Variants in KCNK9 observed in about 807,000 individuals in gnomAD.
KCNK9 encodes the protein potassium channel subfamily K member 9.
Under a neutral mutation model 10.8 loss-of-function variants are expected in KCNK9, and 1 was observed. The observed-to-expected ratio is 0.09, with a 90% confidence interval of 0.03 to 0.44. The LOEUF is 0.44. Ranked by LOEUF, KCNK9 falls within the 20% of genes least tolerant of loss-of-function variation. KCNK9 has a pLI of 0.97. For synonymous variants in KCNK9, 231 were observed against 222.7 expected (o/e 1.04, Z -0.33); for missense variants, 303 against 515.0 (o/e 0.59, Z 3.98).
intron 1 of KCNK9, among the ~76,000 whole-genome samples, chr8:139,642,233 G>T (rs916399006): frequency 4.6e-5 from 7 of 152,126 alleles, no homozygotes; most frequent in African/African-American, 1.7e-4. Context: ...CCCACCAAGA[G>T]CAGCCTGTGC....
chr8:139,643,779 G>A (rs892798501), intron 1 of KCNK9, among the ~76,000 whole-genome samples: 2 of 152,204 alleles, frequency 1.3e-5, no homozygotes, highest in Non-Finnish European at 2.9e-5. Context: ...CAGGACCCCT[G>A]GCCAAAGCCT....
Position 139,700,440 on chromosome 8 carries a change from G to A in KCNK9, c.283+2270C>T, listed in dbSNP as rs1339608570. 2.0e-5 allele frequency among the ~76,000 whole-genome samples: 3 copies of A among 151,924 alleles called. No individual in the cohort carries two copies. The East Asian group carries it at 5.8e-4, about 29-fold the overall frequency. On this transcript the variant is annotated intron_variant, in intron 1 of 1. Coordinates refer to ENST00000520439, the MANE Select transcript of KCNK9 (RefSeq NM_001282534.2). ...CCAAGTTGAACATCTTTCCACAACA[G>A]GACAGCTGTGTTAGTGTTAGAGCTG...
chr8:139,678,272 C>T (rs1332929412), intron 1 of KCNK9, among the ~76,000 whole-genome samples: 3 of 152,342 alleles, frequency 2.0e-5, no homozygotes, highest in East Asian at 1.9e-4. Flanking sequence ...GTCGTGGAAG[C>T]GTCTTTCCTG....
intron 1 of KCNK9, among the ~76,000 whole-genome samples, chr8:139,662,704 CA>C (rs1816189348): frequency 6.6e-6 from 1 of 152,058 alleles, no homozygotes; most frequent in African/African-American, 2.4e-5. Context: ...CAGCCATTTT[CA>C]ACCCAACTCC....
At chr8:139,641,072 G>C (rs1815491288) in intron 1 of KCNK9, among the ~76,000 whole-genome samples, 1 of 152,232 alleles carries the variant, frequency 6.6e-6, no homozygotes, top group Admixed American at 6.5e-5. Context: ...GCAGCAAGAA[G>C]CGGTCTGGCA....
At chr8:139,609,898 G>T (rs1031253224), downstream of KCNK9, among the ~76,000 whole-genome samples, 1 of 152,172 alleles carries the variant, frequency 6.6e-6, no homozygotes, top group African/African-American at 2.4e-5. Flanking sequence ...GGCCTTGGTA[G>T]CTTGGCCAGA....
intron 1 of KCNK9, among the ~76,000 whole-genome samples, chr8:139,641,299 T>TG (rs1815498766): frequency 6.6e-6 from 1 of 152,166 alleles, no homozygotes; most frequent in Non-Finnish European, 1.5e-5. Flanking sequence ...ATGGGGCTGC[T>TG]GTCTGTGGGG....
downstream of KCNK9, among the ~76,000 whole-genome samples, chr8:139,615,385 T>A (rs1814554347): frequency 6.6e-6 from 1 of 152,162 alleles, no homozygotes; most frequent in Non-Finnish European, 1.5e-5. Flanking sequence ...CATCTCTGTT[T>A]AGTGCTGTTT....
exon 3 of KCNK9, chr8:139,601,556 A>G (rs531955159): frequency 1.3e-5 from 2 of 152,282 alleles, no homozygotes; most frequent in African/African-American, 4.8e-5. Context: ...TCACTTACAG[A>G]AGGAGAGAGC....
intron 1 of KCNK9, among the ~76,000 whole-genome samples, chr8:139,701,468 C>T (rs1817217628): frequency 6.6e-6 from 1 of 151,330 alleles, no homozygotes; most frequent in Admixed American, 6.6e-5. Context: ...GATTTCCAGA[C>T]AAAGAAAAAT....
At chr8:139,651,707 G>A (rs750032345) in intron 1 of KCNK9, among the ~76,000 whole-genome samples, 3 of 152,178 alleles carry the variant, frequency 2.0e-5, no homozygotes, top group Non-Finnish European at 2.9e-5. Flanking sequence ...GAGTACTGGG[G>A]TTGGGGTTTA....
downstream of KCNK9, chr8:139,612,625 G>A (rs1212586159): frequency 6.6e-6 from 1 of 152,228 alleles, no homozygotes; most frequent in East Asian, 1.9e-4. Context: ...GGCTTTGGCA[G>A]TGAGACCCAG....
downstream of KCNK9, among the ~76,000 whole-genome samples, chr8:139,613,676 A>T (rs1814497258): frequency 6.6e-6 from 1 of 152,196 alleles, no homozygotes. Flanking sequence ...TTGATGGGGA[A>T]GCCCCAGAGG....
At chr8:139,641,633 C>A (rs765752326) in intron 1 of KCNK9, among the ~76,000 whole-genome samples, 1 of 14,810 alleles carries the variant, frequency 6.8e-5, no homozygotes, top group Admixed American at 7.9e-4. Flanking sequence ...CTGGCCTGCC[C>A]CCCCCCCGCA....
intron 1 of KCNK9, among the ~76,000 whole-genome samples, chr8:139,666,933 A>G (rs1039544276): frequency 1.3e-5 from 2 of 152,220 alleles, no homozygotes; most frequent in Admixed American, 1.3e-4. Flanking sequence ...CCCTTCAGCA[A>G]TGGTGCCATT....
At chr8:139,640,618 C>T (rs537597806) in intron 1 of KCNK9, among the ~76,000 whole-genome samples, 1 of 152,296 alleles carries the variant, frequency 6.6e-6, no homozygotes, top group African/African-American at 2.4e-5. Flanking sequence ...AGGGCCTGTG[C>T]AACCTATAAC....
downstream of KCNK9, among the ~76,000 whole-genome samples, chr8:139,610,196 C>T (rs1814377005): frequency 6.6e-6 from 1 of 152,190 alleles, no homozygotes; most frequent in South Asian, 2.1e-4. Flanking sequence ...GGGTCACCAG[C>T]ACTCACCTTG....
intron 1 of KCNK9, among the ~76,000 whole-genome samples, chr8:139,630,207 C>A: frequency 6.6e-6 from 1 of 152,130 alleles, no homozygotes; most frequent in East Asian, 1.9e-4. Flanking sequence ...AATTTTGCAA[C>A]GCGCATTTTA....
At chr8:139,623,166 G>A (rs184154795) in intron 1 of KCNK9, among the ~76,000 whole-genome samples, 53 of 152,302 alleles carry the variant, frequency 3.5e-4, no homozygotes, top group Admixed American at 1.6e-3. Flanking sequence ...TGCTGGACAC[G>A]TGACACAAGA....
Sources: allele counts gnomAD v4.1 joint callset (sites outside exome capture counted in the v4.1 genomes callset), GRCh38; gene constraint gnomAD v4.1.1; transcripts MANE v1.5; gene names NCBI Gene and HGNC (gene_info 2026-07-23, HGNC 2026-07-21).